Variants in RBL2 observed in about 807,000 individuals in gnomAD.
RBL2 encodes retinoblastoma-like protein 2.
In RBL2, 56 loss-of-function variants were observed where a neutral mutation model predicts 126.0. The ratio of observed to expected loss-of-function variants is 0.44; its 90% CI spans 0.36 to 0.56. The LOEUF is 0.56. Ranked by LOEUF, RBL2 falls within the 20% of genes least tolerant of loss-of-function variation. The probability of loss-of-function intolerance (pLI) is 0.00; values close to 1 mark genes in which losing one functional copy is unlikely to be tolerated. For missense variants in RBL2, 1,229 were observed against 1,398.2 expected (o/e 0.88, Z 1.93); for synonymous variants, 454 against 478.5 (o/e 0.95, Z 0.67).
At chr16:53,481,009 A>C in intron 20 of RBL2, 19 of 340,446 alleles carry the variant, frequency 5.6e-5, no homozygotes, top group East Asian at 1.4e-4. Context: ...AAATACAAAA[A>C]TGAGCTGGGC....
In RBL2 at chr16:53,464,115, A is replaced by T. The variant is rs1481246924; in HGVS notation, c.1561-111A>T. ...GTAAGAAAATAAGGACACACTTTGC[A>T]CTCACTCAGAAAATGAGACTTTCTT... On this transcript the variant is annotated intron_variant, in intron 11 of 21. Coordinates refer to ENST00000262133, the MANE Select transcript of RBL2 (RefSeq NM_005611.4). 16 of 843,708 alleles carry T rather than the reference A, an allele frequency of 1.9e-5. No individual in the cohort carries two copies. The highest frequency in any genetic ancestry group is 2.7e-5 in the Non-Finnish European group (16 of 583,760). The allele number at this position is 843,708 out of a possible 1,614,324, so 52.3% of individuals were successfully genotyped here. A position where few individuals can be genotyped will look rare whatever the true frequency, so the allele number is the denominator to read the frequency against.
intron 3 of RBL2, among the ~76,000 whole-genome samples, chr16:53,445,108 C>T (rs2058049641): frequency 6.6e-6 from 1 of 152,106 alleles, no homozygotes; most frequent in African/African-American, 2.4e-5. Flanking sequence ...GGACAGATCA[C>T]TTGAGCCCAG....
chr16:53,451,625 TAAGTA>T (rs1423986822), intron 4 of RBL2, 73 bp from the exon 5 acceptor site: 4 of 1,489,960 alleles, frequency 2.7e-6, no homozygotes, highest in African/African-American at 2.8e-5. Context: ...AATGTCATAA[TAAGTA>T]AAGGAAGAAA....
At chr16:53,474,350 CTT>C (rs1437922177) in intron 17 of RBL2, among the ~76,000 whole-genome samples, 1 of 150,502 alleles carries the variant, frequency 6.6e-6, no homozygotes, top group Non-Finnish European at 1.5e-5. Context: ...GAATTTCGCT[CTT>C]GTTGCCCAGG....
rs985127360 is a variant in RBL2 at position 53,434,577 on chromosome 16, G to A, written c.21G>A (p.Gln7=). The change falls in exon 1 of 22, where the codon CAG becomes CAA. Residue 7 remains glutamine, a synonymous_variant. Transcript: ENST00000262133. ...GCGCTATGCCGTCGGGAGGTGACCA[G>A]TCGCCACCGCCCCCGCCTCCCCCTC... MPSGGD[Q]SPPPPPPPPA... The A allele has an allele frequency of 2.0e-6, 3 of 1,533,344 alleles. No individual in the cohort carries two copies. Among genetic ancestry groups the A allele is most frequent in the African/African-American group, 2.8e-5 (2 of 71,032 alleles). The allele number at this position is 1,533,344 out of a possible 1,614,324, so 95.0% of individuals were successfully genotyped here.
intron 7 of RBL2, 57 bp from the exon 8 acceptor site, chr16:53,454,599 A>T (rs2058148666): frequency 1.4e-6 from 2 of 1,388,990 alleles, no homozygotes; most frequent in Non-Finnish European, 9.9e-7. Flanking sequence ...GAAATAATTA[A>T]TTGAAATGGC....
In RBL2 at chr16:53,447,103, A is replaced by G. The variant is rs1182940029; in HGVS notation, c.634A>G (p.Lys212Glu). Residue 212 changes from lysine (K) to glutamate (E), a missense_variant, in exon 4 of 22, where the codon AAA becomes GAA. Coordinates refer to ENST00000262133, the MANE Select transcript of RBL2 (RefSeq NM_005611.4). ...HFCWVLFIYA[K>E]GNFPMISDDL... is the part of the protein sequence containing the mutation. Reference sequence around the variant, plus strand: ...TTGTTGGGTGCTTTTTATATATGCAAAAGGTAAGAAAATAGTAATATTTAT... The same window carrying G: ...TTGTTGGGTGCTTTTTATATATGCAGAAGGTAAGAAAATAGTAATATTTAT... 1.4e-6 allele frequency: 2 copies of G among 1,478,572 alleles called. No homozygotes were observed. Among genetic ancestry groups the G allele is most frequent in the South Asian group, 1.2e-5 (1 of 84,396 alleles). 91.6% of individuals were successfully genotyped at this position (1,478,572 alleles called of 1,614,324 possible).
chr16:53,435,754 A>C, intron 1 of RBL2: 1 of 1,285,690 alleles, frequency 7.8e-7, no homozygotes, highest in Non-Finnish European at 1.0e-6. Context: ...GGTATTATTT[A>C]AATATGATGT....
At chr16:53,473,567 A>C (rs1004806459) in intron 17 of RBL2, among the ~76,000 whole-genome samples, 2 of 151,540 alleles carry the variant, frequency 1.3e-5, no homozygotes, top group Non-Finnish European at 2.9e-5. Context: ...TAGATTCCTT[A>C]GGATTACTAT....
At position 53,457,258 on chromosome 16, in the gene RBL2, C is replaced by CCT. The variant is rs1555566426; in HGVS notation, c.1180-2193_1180-2192insCT. Among the ~76,000 whole-genome samples, 115 of 89,874 alleles carry CCT rather than the reference C, an allele frequency of 1.3e-3. 9 individuals carry two copies. Among genetic ancestry groups the CCT allele is most frequent in the Non-Finnish European group, 1.6e-3 (77 of 49,398 alleles). 59.0% of individuals were successfully genotyped at this position (89,874 alleles called of 152,430 possible). On this transcript the variant is annotated intron_variant, in intron 8 of 21. Coordinates refer to ENST00000262133, the MANE Select transcript of RBL2 (RefSeq NM_005611.4). ...GGGTCATCAGGGTGGGTACAGATAG[C>CCT]TTTTTTTTTTTTTTTTTTTGAGATG...
chr16:53,481,650 T>C, intron 20 of RBL2, 21 bp from the exon 21 acceptor site: 3 of 1,514,520 alleles, frequency 2.0e-6, no homozygotes. Context: ...TTAGAATTAC[T>C]GATTTTTTTT....
chr16:53,483,104 G>GT (rs1961020281), intron 21 of RBL2, among the ~76,000 whole-genome samples: 3 of 152,120 alleles, frequency 2.0e-5, no homozygotes, highest in Non-Finnish European at 4.4e-5. Flanking sequence ...AGTATTCAGA[G>GT]GTAAAGTGTC....
At chr16:53,480,853 C>G (rs1960917342) in intron 20 of RBL2, 84 bp downstream of exon 20, 3 of 1,354,122 alleles carry the variant, frequency 2.2e-6, no homozygotes, top group Admixed American at 1.9e-5. Context: ...GACCATTCAC[C>G]TGGTCCGTAT....
chr16:53,480,818 A>C, intron 20 of RBL2, 49 bp downstream of exon 20: 3 of 1,548,326 alleles, frequency 1.9e-6, no homozygotes, highest in Non-Finnish European at 2.7e-6. Flanking sequence ...ATGAGTGTTG[A>C]GGAATCATTT....
intron 17 of RBL2, among the ~76,000 whole-genome samples, chr16:53,472,996 T>A (rs1299130729): frequency 6.6e-6 from 1 of 152,220 alleles, no homozygotes; most frequent in Non-Finnish European, 1.5e-5. Flanking sequence ...TCCTTTAAAA[T>A]CAATTGACCG....
At chr16:53,488,084 A>G (rs1027412508) in intron 21 of RBL2, 2 of 152,250 alleles carry the variant, frequency 1.3e-5, no homozygotes, top group Non-Finnish European at 2.9e-5. Flanking sequence ...ACTTATGTTT[A>G]GACAAAATCA....
At chr16:53,471,434 T>C (rs541417047) in intron 17 of RBL2, among the ~76,000 whole-genome samples, 1 of 152,176 alleles carries the variant, frequency 6.6e-6, no homozygotes, top group Non-Finnish European at 1.5e-5. Flanking sequence ...AAATAACTTA[T>C]TGAGGAGAAA....
chr16:53,435,141 C>A (rs1567723097), intron 1 of RBL2, among the ~76,000 whole-genome samples: 1 of 152,086 alleles, frequency 6.6e-6, no homozygotes, highest in South Asian at 2.1e-4. Context: ...TTGTCAAGAC[C>A]ACACGGACAA....
intron 1 of RBL2, among the ~76,000 whole-genome samples, chr16:53,435,371 C>T (rs771535294): frequency 2.6e-5 from 4 of 152,150 alleles, no homozygotes; most frequent in East Asian, 3.9e-4. Flanking sequence ...ATGAGCCCTC[C>T]GCCGACCCGG....
Sources: gnomAD v4.1 joint callset for allele counts (sites outside exome capture counted in the v4.1 genomes callset) on GRCh38, gnomAD v4.1.1 for gene constraint, MANE v1.5 for transcripts, NCBI Gene and HGNC (gene_info 2026-07-23, HGNC 2026-07-21) for gene names.